Variants in LARS1 observed in about 807,000 individuals in gnomAD.
LARS1 encodes the protein leucine--tRNA ligase, cytoplasmic.
In LARS1, 100 loss-of-function variants were observed where a neutral mutation model predicts 162.8. The ratio of observed to expected loss-of-function variants is 0.61; its 90% CI spans 0.52 to 0.73. The LOEUF (loss-of-function observed/expected upper bound fraction) is 0.73. LARS1 is among the 30% of genes least tolerant of loss of function. The pLI is 0.00. For synonymous variants in LARS1, 457 were observed against 462.8 expected, an observed-to-expected ratio of 0.99 and a Z score of 0.16; for missense variants, 1,258 against 1,408.9, an observed-to-expected ratio of 0.89 and a Z score of 1.71.
chr5:146,133,256 C>T (rs1041110391), intron 22 of LARS1, among the ~76,000 whole-genome samples, 175 bp from the exon 23 acceptor site: 2 of 152,190 alleles, frequency 1.3e-5, no homozygotes, highest in Non-Finnish European at 2.9e-5. Flanking sequence ...GCATCCCTAA[C>T]CGTGATGTTA....
intron 2 of LARS1, among the ~76,000 whole-genome samples, chr5:146,175,477 G>A (rs1754514900): frequency 6.7e-6 from 1 of 150,182 alleles, no homozygotes; most frequent in South Asian, 2.1e-4. Flanking sequence ...GGGAGGCAGA[G>A]GTTGCAGTGA....
chr5:146,133,188 C>T (rs950467547), intron 22 of LARS1, 107 bp from the exon 23 acceptor site: 1 of 905,466 alleles, frequency 1.1e-6, no homozygotes. Flanking sequence ...TATAAATTAA[C>T]AAATGCTTTA....
At chr5:146,179,691 C>T (rs955331173) in intron 1 of LARS1, 1 of 442,146 alleles carries the variant, frequency 2.3e-6, no homozygotes, top group Non-Finnish European at 4.5e-6. Context: ...CCTTGACCTA[C>T]TGGGCTCAAT....
intron 21 of LARS1, chr5:146,138,728 C>CAAAAAAAAAAAAAAAAAAAAAAAAAAAAA (rs879232853): frequency 8.7e-6 from 1 of 114,896 alleles, no homozygotes. Flanking sequence ...GACTCTGTCT[C>CAAAAAAAAAAAAAAAAAAAAAAAAAAAAA]AAAAAAAAAA....
rs141896229 is a variant in LARS1 at position 146,148,522 on chromosome 5, G to A, written c.1503+1100C>T. ...CAAAAGCTGAGGATGAAAAATTATT[G>A]TATTATGGATAAGCCATGTCTCAAA... On this transcript the variant is annotated intron_variant, in intron 15 of 31. Coordinates refer to ENST00000394434, the MANE Select transcript of LARS1 (RefSeq NM_020117.11). Among the ~76,000 whole-genome samples, 17 of 152,296 alleles carry A rather than the reference G, an allele frequency of 1.1e-4. No homozygotes were observed. The East Asian group carries it at 3.3e-3, about 29-fold the overall frequency.
intron 10 of LARS1, among the ~76,000 whole-genome samples, chr5:146,156,602 G>T (rs529809692): frequency 6.6e-6 from 1 of 152,210 alleles, no homozygotes; most frequent in African/African-American, 2.4e-5. Flanking sequence ...GGCTGAGGCA[G>T]GAGAATCGTT....
At chr5:146,172,482 C>G (rs1246756406) in intron 3 of LARS1, among the ~76,000 whole-genome samples, 5 of 151,852 alleles carry the variant, frequency 3.3e-5, no homozygotes, top group Non-Finnish European at 7.4e-5. Context: ...CACCACTGCA[C>G]TCCAGCCTGG....
intron 10 of LARS1, among the ~76,000 whole-genome samples, chr5:146,156,989 A>G (rs1275814266): frequency 1.3e-5 from 2 of 152,254 alleles, no homozygotes; most frequent in African/African-American, 4.8e-5. Context: ...TTACACAACA[A>G]TAAAAAAAGA....
At chr5:146,167,028 G>T (rs1051266536) in intron 5 of LARS1, among the ~76,000 whole-genome samples, 1 of 152,168 alleles carries the variant, frequency 6.6e-6, no homozygotes, top group Non-Finnish European at 1.5e-5. Flanking sequence ...ATCTAACGAT[G>T]AGAAAGCATC....
In LARS1 at chr5:146,144,655, C is replaced by G; in HGVS notation, c.1558G>C (p.Asp520His). 6.2e-7 allele frequency: 1 copy of G among 1,614,082 alleles called. No individual in the cohort carries two copies. Among genetic ancestry groups the G allele is most frequent in the Non-Finnish European group, 8.5e-7 (1 of 1,180,024 alleles). ...PEKQVMSRSS[D>H]ECVVALCDQW... ...TCACACAGAGCCACAACACATTCAT[C>G]TGACGACCTGGACATCACTTGTTTC... is the stretch of plus-strand genomic sequence containing the variant. The change falls in exon 16 of 32, where the codon GAT becomes CAT. Residue 520 changes from aspartate (D) to histidine (H), a missense_variant. Physicochemically the swap from Asp to His is moderately conservative, Grantham distance 81 (BLOSUM62 -1). Coordinates refer to ENST00000394434, the MANE Select transcript of LARS1 (RefSeq NM_020117.11).
intron 15 of LARS1, among the ~76,000 whole-genome samples, chr5:146,145,250 A>G (rs1752961598): frequency 6.7e-6 from 1 of 148,886 alleles, no homozygotes; most frequent in African/African-American, 2.4e-5. Context: ...CACCCAGTTA[A>G]TTTTTTAATT....
In LARS1 at chr5:146,140,238, C is replaced by T; in HGVS notation, c.2114G>A (p.Arg705Lys). The change falls in exon 21 of 32, where the codon AGA becomes AAA. Residue 705 changes from arginine (R) to lysine (K), a missense_variant. Transcript: ENST00000394434. ...GTTCAGGAGGAGATGTCCATTTGCT[C>T]TCACAGCTGTAGGCCATTTGTCACT... ...EQSDKWPTAV[R>K]ANGHLLLNSE... 1 of 1,611,918 alleles carries T rather than the reference C, an allele frequency of 6.2e-7. No individual in the cohort carries two copies. Among genetic ancestry groups the T allele is most frequent in the African/African-American group, 1.3e-5 (1 of 75,002 alleles).
chr5:146,172,135 A>C (rs1720326180), intron 3 of LARS1, 145 bp from the exon 4 acceptor site: 3 of 685,470 alleles, frequency 4.4e-6, no homozygotes, highest in Non-Finnish European at 7.7e-6. Flanking sequence ...AAAACTCACC[A>C]ACCTAGGAAT....
intron 13 of LARS1, among the ~76,000 whole-genome samples, chr5:146,152,584 CCCCTACCACA>C (rs1753344864): frequency 6.6e-6 from 1 of 152,172 alleles, no homozygotes; most frequent in South Asian, 2.1e-4. Context: ...CAAAACCATT[CCCCTACCACA>C]CCCTGCTGGT....
intron 14 of LARS1, among the ~76,000 whole-genome samples, chr5:146,150,664 G>A (rs1337159513): frequency 6.6e-6 from 1 of 150,858 alleles, no homozygotes. Context: ...CTGGCCAGGT[G>A]CAGTGGTTCA....
chr5:146,182,439 G>T (rs772525410), intron 1 of LARS1, 49 bp downstream of exon 1: 2 of 1,612,934 alleles, frequency 1.2e-6, no homozygotes, highest in Non-Finnish European at 1.7e-6. Flanking sequence ...CCTAGAGACT[G>T]GCCAGTCCGG....
At chr5:146,173,675 A>T (rs1431963900) in intron 2 of LARS1, among the ~76,000 whole-genome samples, 4 of 152,022 alleles carry the variant, frequency 2.6e-5, no homozygotes, top group Non-Finnish European at 5.9e-5. Context: ...TCTAACATAC[A>T]TACTGTGTTA....
At chr5:146,155,595 T>C (rs1753490469) in intron 10 of LARS1, among the ~76,000 whole-genome samples, 1 of 152,184 alleles carries the variant, frequency 6.6e-6, no homozygotes, top group South Asian at 2.1e-4. Flanking sequence ...GGAACACACT[T>C]TTCCTTTCCA....
In LARS1 at chr5:146,160,463, G is replaced by A; in HGVS notation, c.618C>T (p.Ile206=). ...GLKVDWRRSF[I]TTDVNPYYDS... The stretch of plus-strand genomic sequence containing the variant: ...CATAGTAAGGATTAACATCAGTGGT[G>A]ATGAAGGAACGACGCCAGTCTACCT... The change falls in exon 7 of 32, where the codon ATC becomes ATT. Residue 206 remains isoleucine, a synonymous_variant. Coordinates refer to ENST00000394434, the MANE Select transcript of LARS1 (RefSeq NM_020117.11). 9 of 1,560,170 alleles carry A rather than the reference G, an allele frequency of 5.8e-6. No individual in the cohort carries two copies. Among genetic ancestry groups the A allele is most frequent in the Non-Finnish European group, 6.9e-6 (8 of 1,156,674 alleles).
Sources: allele counts gnomAD v4.1 joint callset (sites outside exome capture counted in the v4.1 genomes callset), GRCh38; gene constraint gnomAD v4.1.1; transcripts MANE v1.5; gene names NCBI Gene and HGNC (gene_info 2026-07-23, HGNC 2026-07-21).